The following METTL15 variants were observed in gnomAD, a reference collection of about 807,000 sequenced individuals.
METTL15 encodes the protein methyltransferase 15, mitochondrial 12S rRNA N4-cytidine.
Under a neutral mutation model 38.3 loss-of-function variants are expected in METTL15, and 34 were observed. The observed-to-expected ratio is 0.89, with a 90% confidence interval of 0.68 to 1.18. The LOEUF (loss-of-function observed/expected upper bound fraction) is 1.18. METTL15 is among the 50% of genes most tolerant of loss of function. The pLI is 0.00. For missense variants in METTL15, 438 were observed against 498.4 expected (o/e 0.88, Z 1.15); for synonymous variants, 162 against 170.9 (o/e 0.95, Z 0.41).
At chr11:28,431,957 C>T (rs979230062) in intron 6 of METTL15, among the ~76,000 whole-genome samples, 42 of 152,290 alleles carry the variant, frequency 2.8e-4, no homozygotes, top group African/African-American at 1.0e-3. Flanking sequence ...GGGTGCCCAT[C>T]ATAGGATTCT....
At chr11:28,509,518 G>A (rs1851657453) in intron 6 of METTL15, among the ~76,000 whole-genome samples, 2 of 151,070 alleles carry the variant, frequency 1.3e-5, no homozygotes, top group East Asian at 3.9e-4. Context: ...CTTATCTTTT[G>A]GATGCAACTT....
intron 3 of METTL15, among the ~76,000 whole-genome samples, chr11:28,134,938 G>A (rs930882262): frequency 1.3e-5 from 2 of 152,068 alleles, no homozygotes; most frequent in African/African-American, 2.4e-5. Flanking sequence ...TATGGGCTCT[G>A]TGTTTACTCT....
chr11:28,345,698 C>T (rs1450272976), intron 3 of METTL15, among the ~76,000 whole-genome samples: 1 of 152,056 alleles, frequency 6.6e-6, no homozygotes, highest in East Asian at 1.9e-4. Flanking sequence ...GGATTTGGTG[C>T]GCCAACAAGA....
intron 5 of METTL15, among the ~76,000 whole-genome samples, chr11:28,413,202 A>G (rs1197775824): frequency 6.6e-6 from 1 of 152,080 alleles, no homozygotes; most frequent in Non-Finnish European, 1.5e-5. Context: ...TCAGTTAGCC[A>G]TCATATCTAT....
intron 4 of METTL15, among the ~76,000 whole-genome samples, chr11:28,227,882 C>G (rs894221980): frequency 3.9e-5 from 6 of 151,926 alleles, no homozygotes; most frequent in Non-Finnish European, 7.4e-5. Context: ...GTTTCCTGAT[C>G]ATTCTATTAG....
intron 6 of METTL15, among the ~76,000 whole-genome samples, chr11:28,469,469 A>G (rs1394442948): frequency 1.3e-5 from 2 of 152,118 alleles, no homozygotes; most frequent in Non-Finnish European, 2.9e-5. Flanking sequence ...GCAATATATT[A>G]TTACTAATTG....
At chr11:28,122,363 GTGTGTGTGTA>G (rs765713874) in intron 3 of METTL15, among the ~76,000 whole-genome samples, 2,943 of 67,834 alleles carry the variant, frequency 0.043, 70 homozygotes, top group South Asian at 0.16. Context: ...GTGTGTGTGT[GTGTGTGTGTA>G]TATATATATA....
chr11:28,158,481 C>T (rs543231176), intron 3 of METTL15, among the ~76,000 whole-genome samples: 1 of 152,206 alleles, frequency 6.6e-6, no homozygotes, highest in Non-Finnish European at 1.5e-5. Context: ...ACCAAGCCCT[C>T]GATATGGCAC....
chr11:28,211,087 C>T lies in METTL15; in HGVS notation c.296C>T (p.Ser99Leu), dbSNP rs767951409. 30 of 1,610,262 alleles carry T rather than the reference C, an allele frequency of 1.9e-5. No individual in the cohort carries two copies. Among genetic ancestry groups the T allele is most frequent in the South Asian group, 2.2e-5 (2 of 90,680 alleles). ...GQIFLDMTFGSGGHTKAILQK... is the reference protein window; with the variant it reads ...GQIFLDMTFGLGGHTKAILQK... ...ATTTTTCTAGATATGACATTTGGTT[C>T]GGGAGGGCACACAAAAGCCATTCTG... Residue 99 changes from serine (S) to leucine (L), a missense_variant, in exon 4 of 7, where the codon TCG becomes TTG. Physicochemically the swap from Ser to Leu is moderately radical, Grantham distance 145. Transcript: ENST00000407364.
At chr11:28,520,978 A>G (rs1851760213) in intron 6 of METTL15, among the ~76,000 whole-genome samples, 1 of 152,010 alleles carries the variant, frequency 6.6e-6, no homozygotes, top group Non-Finnish European at 1.5e-5. Flanking sequence ...TTTAAGAACT[A>G]AGAATTTCAA....
At chr11:28,150,235 C>T (rs1850033219) in intron 3 of METTL15, among the ~76,000 whole-genome samples, 1 of 151,958 alleles carries the variant, frequency 6.6e-6, no homozygotes, top group African/African-American at 2.4e-5. Context: ...AGTTATACTA[C>T]ACTAGTATAG....
chr11:28,411,117 G>T (rs376503791), intron 5 of METTL15, among the ~76,000 whole-genome samples: 36 of 151,940 alleles, frequency 2.4e-4, no homozygotes, highest in African/African-American at 8.0e-4. Context: ...AAATGGAAAG[G>T]TATATCAATG....
chr11:28,501,023 A>G (rs981144378), intron 6 of METTL15, among the ~76,000 whole-genome samples: 1 of 152,244 alleles, frequency 6.6e-6, no homozygotes, highest in Admixed American at 6.5e-5. Flanking sequence ...CGGAACTAAT[A>G]TACTAAATAT....
intron 6 of METTL15, among the ~76,000 whole-genome samples, chr11:28,517,648 G>A (rs1417112567): frequency 1.3e-5 from 2 of 152,160 alleles, no homozygotes; most frequent in African/African-American, 4.8e-5. Context: ...TTGTATCAAT[G>A]CCTTATTTCT....
At chr11:28,123,712 C>T in intron 3 of METTL15, 1 of 470,778 alleles carries the variant, frequency 2.1e-6, no homozygotes, top group Non-Finnish European at 3.7e-6. Flanking sequence ...TTTGAGATGT[C>T]ATTTTATCAA....
intron 4 of METTL15, among the ~76,000 whole-genome samples, chr11:28,264,985 T>G (rs181168055): frequency 7.2e-5 from 11 of 152,266 alleles, no homozygotes; most frequent in African/African-American, 2.6e-4. Context: ...CAATAATAGC[T>G]ATAATTTATT....
chr11:28,239,607 C>T (rs536086948), intron 4 of METTL15, among the ~76,000 whole-genome samples: 1 of 152,134 alleles, frequency 6.6e-6, no homozygotes, highest in East Asian at 1.9e-4. Flanking sequence ...TTTTCCTCTG[C>T]TATGTTGACC....
At chr11:28,429,138 T>C (rs1850889640) in intron 6 of METTL15, among the ~76,000 whole-genome samples, 1 of 152,190 alleles carries the variant, frequency 6.6e-6, no homozygotes, top group South Asian at 2.1e-4. Flanking sequence ...CTATTTTGTG[T>C]AATAGGTTTC....
chr11:28,181,234 C>T (rs937847340), intron 3 of METTL15, among the ~76,000 whole-genome samples: 14 of 140,630 alleles, frequency 1.0e-4, no homozygotes, highest in African/African-American at 3.1e-4. Flanking sequence ...AAAGATAACA[C>T]GTTTATTTAT....
Sources: allele counts gnomAD v4.1 joint callset (sites outside exome capture counted in the v4.1 genomes callset), GRCh38; gene constraint gnomAD v4.1.1; transcripts MANE v1.5; gene names NCBI Gene and HGNC (gene_info 2026-07-23, HGNC 2026-07-21).